The following FKBP5 variants were observed in gnomAD, a reference collection of about 807,000 sequenced individuals.
The protein encoded by FKBP5 is FKBP prolyl isomerase 5, also known as peptidyl-prolyl cis-trans isomerase FKBP5.
A neutral mutation model predicts 50.5 loss-of-function variants in FKBP5; 23 were observed. The ratio of observed to expected loss-of-function variants is 0.46; its 90% CI spans 0.33 to 0.65. The LOEUF (loss-of-function observed/expected upper bound fraction) is 0.65. Ranked by LOEUF, FKBP5 falls within the 30% of genes least tolerant of loss-of-function variation. The pLI, the probability that FKBP5 is intolerant of heterozygous loss-of-function variation, is 0.02. For synonymous variants in FKBP5, 176 were observed against 190.6 expected, an observed-to-expected ratio of 0.92 and a Z score of 0.63; for missense variants, 411 against 553.1, an observed-to-expected ratio of 0.74 and a Z score of 2.58.
intron 1 of FKBP5, among the ~76,000 whole-genome samples, chr6:35,665,331 A>C: frequency 6.7e-6 from 1 of 150,050 alleles, no homozygotes; most frequent in African/African-American, 2.5e-5. Context: ...CTCTGTCACC[A>C]AGCTGGAGTG....
At chr6:35,626,596 T>G (rs911514908) in intron 3 of FKBP5, among the ~76,000 whole-genome samples, 3 of 152,206 alleles carry the variant, frequency 2.0e-5, no homozygotes, top group African/African-American at 7.2e-5. Flanking sequence ...TCTCCAGAAC[T>G]TTTTCATCTT....
At chr6:35,608,330 C>T (rs1229622183) in intron 5 of FKBP5, among the ~76,000 whole-genome samples, 1 of 152,078 alleles carries the variant, frequency 6.6e-6, no homozygotes, top group East Asian at 1.9e-4. Flanking sequence ...TATCCATGTA[C>T]CAAACTGGCA....
At chr6:35,632,089 T>C (rs1764178264) in intron 3 of FKBP5, among the ~76,000 whole-genome samples, 1 of 152,184 alleles carries the variant, frequency 6.6e-6, no homozygotes, top group African/African-American at 2.4e-5. Context: ...TAGAAGTATG[T>C]ATGAAAATCC....
intron 7 of FKBP5, among the ~76,000 whole-genome samples, chr6:35,587,530 G>A (rs542444466): frequency 6.6e-6 from 1 of 152,306 alleles, no homozygotes; most frequent in Admixed American, 6.5e-5. Flanking sequence ...GAACATGACT[G>A]TAGTCAAGTT....
Position 35,575,836 on chromosome 6 carries a change from C to T in FKBP5, c.1373G>A (p.Ter458=). ...GACTCTTCCCTCCTTGGCGTGGCGT[C>T]ATACGTGGCCCTCAGGTTTCTCTTC... ...MEEEKPEGHV[*] Residue 458 remains the stop codon, a stop_retained_variant, in exon 11 of 11, where the codon TGA becomes TAA. Coordinates refer to ENST00000357266, the MANE Select transcript of FKBP5 (RefSeq NM_004117.4). 1 of 1,608,308 alleles carries T rather than the reference C, an allele frequency of 6.2e-7. No individual in the cohort carries two copies. The highest frequency in any genetic ancestry group is 8.5e-7 in the Non-Finnish European group (1 of 1,174,660).
In FKBP5 at chr6:35,582,231, C is replaced by T. The variant is rs1381711659; in HGVS notation, c.841-2010G>A. ...TGCCTCAGAAGTGTGTGATACAGGTCATTCATAAGAACACGAAACCAGGGC... is the reference window on the plus strand; with the variant it reads ...TGCCTCAGAAGTGTGTGATACAGGTTATTCATAAGAACACGAAACCAGGGC... On this transcript the variant is annotated intron_variant, in intron 8 of 10. Transcript: ENST00000357266. The T allele has an allele frequency of 6.1e-6, 6 of 985,090 alleles. No individual in the cohort carries two copies. The African/African-American group carries it at 8.8e-5, about 14-fold the overall frequency. The allele number at this position is 985,090 out of a possible 1,614,324, so 61.0% of individuals were successfully genotyped here. A position where few individuals can be genotyped will look rare whatever the true frequency, so the allele number is the denominator to read the frequency against.
At chr6:35,695,217 G>A (rs1269314541) in intron 2 of FKBP5, among the ~76,000 whole-genome samples, 1 of 152,184 alleles carries the variant, frequency 6.6e-6, no homozygotes, top group African/African-American at 2.4e-5. Context: ...AGGCTGGAGT[G>A]CAGTGGCTTG....
intron 3 of FKBP5, among the ~76,000 whole-genome samples, chr6:35,628,719 TTTTG>T (rs1225745544): frequency 1.3e-5 from 2 of 152,220 alleles, no homozygotes; most frequent in African/African-American, 2.4e-5. Flanking sequence ...TTTTAGGTTT[TTTTG>T]TTTTTGTTTT....
Position 35,620,213 on chromosome 6 carries a change from A to G in FKBP5, c.312T>C (p.His104=). 2 of 1,614,164 alleles carry G rather than the reference A, an allele frequency of 1.2e-6. No homozygotes were observed. Among genetic ancestry groups the G allele is most frequent in the African/African-American group, 1.3e-5 (1 of 75,044 alleles). ...ATGCATATTCTGGTTTGCACAGTAA[A>G]TGGCATATCTCTCCTTTCTTCATGG... is the stretch of plus-strand genomic sequence containing the variant. ...VATMKKGEIC[H]LLCKPEYAYG... The change falls in exon 4 of 11, where the codon CAT becomes CAC. Residue 104 remains histidine, a synonymous_variant. Transcript: ENST00000357266.
chr6:35,727,233 G>A (rs1581910189), intron 1 of FKBP5, among the ~76,000 whole-genome samples: 1 of 152,300 alleles, frequency 6.6e-6, no homozygotes, highest in East Asian at 1.9e-4. Flanking sequence ...CCTTCCACAC[G>A]GTAAACGTGC....
intron 8 of FKBP5, chr6:35,585,227 G>C: frequency 1.0e-6 from 1 of 976,748 alleles, no homozygotes; most frequent in Non-Finnish European, 1.2e-6. Context: ...TATGGACTTC[G>C]GAAATATAGA....
chr6:35,593,735 A>G (rs1762892233), intron 6 of FKBP5, among the ~76,000 whole-genome samples: 1 of 151,652 alleles, frequency 6.6e-6, no homozygotes, highest in Admixed American at 6.6e-5. Context: ...TTATATTTTT[A>G]GTAGAGACGG....
intron 5 of FKBP5, among the ~76,000 whole-genome samples, chr6:35,613,237 C>T (rs373989758): frequency 3.3e-5 from 5 of 151,962 alleles, no homozygotes; most frequent in African/African-American, 7.3e-5. Flanking sequence ...TTTTTTGAGA[C>T]GGAGTTTCCC....
chr6:35,673,529 C>A (rs781344939), intron 1 of FKBP5, among the ~76,000 whole-genome samples: 2 of 151,846 alleles, frequency 1.3e-5, no homozygotes, highest in Non-Finnish European at 2.9e-5. Flanking sequence ...AGAGCAAGAC[C>A]CTGTCTCAAA....
At chr6:35,658,328 T>G (rs903146819) in intron 1 of FKBP5, among the ~76,000 whole-genome samples, 3 of 151,444 alleles carry the variant, frequency 2.0e-5, no homozygotes, top group African/African-American at 7.3e-5. Context: ...GTGAGCCGAG[T>G]TTGCGCCACT....
chr6:35,664,031 C>T (rs894783894), intron 1 of FKBP5, among the ~76,000 whole-genome samples: 4 of 152,154 alleles, frequency 2.6e-5, no homozygotes, highest in African/African-American at 9.7e-5. Flanking sequence ...CTGGAGCCTG[C>T]ACTCTAACTA....
intron 1 of FKBP5, among the ~76,000 whole-genome samples, chr6:35,663,370 C>T (rs1350606350): frequency 6.6e-6 from 1 of 152,108 alleles, no homozygotes; most frequent in African/African-American, 2.4e-5. Flanking sequence ...ACCTTGTGTG[C>T]CAAAGTAAAG....
chr6:35,608,921 T>C (rs1353017524), intron 5 of FKBP5, among the ~76,000 whole-genome samples: 2 of 152,066 alleles, frequency 1.3e-5, no homozygotes, highest in East Asian at 3.9e-4. Flanking sequence ...CCTCAGCCTC[T>C]TGAGTAGCTG....
At position 35,645,098 on chromosome 6, in the gene FKBP5, A is replaced by C. The variant is rs1031409986; in HGVS notation, c.-19-2255T>G. Among the ~76,000 whole-genome samples the C allele has an allele frequency of 2.0e-5, 3 of 152,240 alleles. No homozygotes were observed. In the East Asian group the frequency reaches 5.8e-4, roughly 29 times the overall value. On this transcript the variant is annotated intron_variant, in intron 1 of 10. Coordinates refer to ENST00000357266, the MANE Select transcript of FKBP5 (RefSeq NM_004117.4). ...ACTCTGCATCACCAATAATGAAAAAAAGTGCTATTACTCTGTCTCCTAATA... is the reference window on the plus strand; with the variant it reads ...ACTCTGCATCACCAATAATGAAAAACAGTGCTATTACTCTGTCTCCTAATA...
Sources: gnomAD v4.1 joint callset for allele counts (sites outside exome capture counted in the v4.1 genomes callset) on GRCh38, gnomAD v4.1.1 for gene constraint, MANE v1.5 for transcripts, NCBI Gene and HGNC (gene_info 2026-07-23, HGNC 2026-07-21) for gene names.